Variants in HIBADH observed in about 807,000 individuals in gnomAD.
HIBADH encodes the protein 3-hydroxyisobutyrate dehydrogenase, also known as 3-hydroxyisobutyrate dehydrogenase, mitochondrial.
Under a neutral mutation model 36.1 loss-of-function variants are expected in HIBADH, and 25 were observed. The observed-to-expected ratio is 0.69, with a 90% CI of 0.50 to 0.97. The LOEUF is 0.97. Among genes scored for constraint, HIBADH ranks in the 50% least tolerant of loss-of-function variants. HIBADH has a pLI of 0.00. For synonymous variants in HIBADH, 160 were observed against 149.5 expected, an observed-to-expected ratio of 1.07 and a Z score of -0.51; for missense variants, 421 against 418.0, an observed-to-expected ratio of 1.01 and a Z score of -0.06.
intron 1 of HIBADH, among the ~76,000 whole-genome samples, chr7:27,653,892 G>A (rs1207607513): frequency 6.6e-6 from 1 of 152,172 alleles, no homozygotes; most frequent in Non-Finnish European, 1.5e-5. Flanking sequence ...GGCCAAAGTT[G>A]AACCTCTCTG....
rs192216995 is a variant in HIBADH at position 27,614,300 on chromosome 7, A to G, written c.484+15071T>C. Among the ~76,000 whole-genome samples the G allele has an allele frequency of 1.5e-3, 224 of 152,338 alleles. 2 individuals are homozygous for G. Among genetic ancestry groups the G allele is most frequent in the Middle Eastern group, 0.014 (4 of 294 alleles). On this transcript the variant is annotated intron_variant, in intron 4 of 7. Coordinates refer to ENST00000265395, the MANE Select transcript of HIBADH (RefSeq NM_152740.4). ...AATATTACAATACAACATTTTAAAC[A>G]TAGTATATGCCTGCTACCTGACTGA... is the stretch of plus-strand genomic sequence containing the variant.
chr7:27,660,062 T>C (rs572847727), intron 1 of HIBADH, among the ~76,000 whole-genome samples: 1 of 152,284 alleles, frequency 6.6e-6, no homozygotes, highest in African/African-American at 2.4e-5. Context: ...CTCTAAAATG[T>C]ATTTATAAAA....
At chr7:27,560,487 T>C (rs1480512862) in intron 4 of HIBADH, among the ~76,000 whole-genome samples, 2 of 152,194 alleles carry the variant, frequency 1.3e-5, no homozygotes, top group Non-Finnish European at 2.9e-5. Context: ...TTTGGTTACA[T>C]GGATGAATTG....
At chr7:27,648,758 C>T (rs1485656135) in intron 2 of HIBADH, among the ~76,000 whole-genome samples, 4 of 152,170 alleles carry the variant, frequency 2.6e-5, no homozygotes, top group African/African-American at 9.7e-5. Context: ...ATGTTATCAT[C>T]CAACATGATA....
intron 4 of HIBADH, among the ~76,000 whole-genome samples, chr7:27,594,156 T>C: frequency 6.6e-6 from 1 of 150,602 alleles, no homozygotes; most frequent in Non-Finnish European, 1.5e-5. Context: ...TTTTTTGTTT[T>C]TTTTCTGAAA....
At chr7:27,616,274 C>T (rs543628912) in intron 4 of HIBADH, among the ~76,000 whole-genome samples, 7 of 152,240 alleles carry the variant, frequency 4.6e-5, no homozygotes, top group African/African-American at 1.2e-4. Flanking sequence ...AATCTATTCA[C>T]GAGGGATCTA....
At chr7:27,568,712 C>CA (rs756956648) in intron 4 of HIBADH, among the ~76,000 whole-genome samples, 62 of 152,220 alleles carry the variant, frequency 4.1e-4, no homozygotes, top group Non-Finnish European at 7.4e-4. Context: ...TTCAAGTGAT[C>CA]CACCCACTTT....
chr7:27,558,944 C>A (rs1452294764), intron 4 of HIBADH, among the ~76,000 whole-genome samples: 1 of 152,062 alleles, frequency 6.6e-6, no homozygotes, highest in East Asian at 1.9e-4. Flanking sequence ...AACAAAGTAC[C>A]ACAAACTGGG....
chr7:27,539,482 T>C (rs1245145420), intron 5 of HIBADH, among the ~76,000 whole-genome samples: 3 of 151,940 alleles, frequency 2.0e-5, no homozygotes, highest in Admixed American at 6.6e-5. Context: ...TGTGTGTGTA[T>C]TGGGAGGGGG....
intron 4 of HIBADH, among the ~76,000 whole-genome samples, chr7:27,575,315 G>A (rs957021125): frequency 6.6e-6 from 1 of 152,320 alleles, no homozygotes; most frequent in South Asian, 2.1e-4. Flanking sequence ...ATCACAGGAG[G>A]TGGCATCTAC....
chr7:27,617,610 T>C (rs1456403641), intron 4 of HIBADH, among the ~76,000 whole-genome samples: 5 of 151,876 alleles, frequency 3.3e-5, no homozygotes, highest in Admixed American at 2.0e-4. Context: ...ACCAGAGGCA[T>C]AGAAAGAGAA....
intron 4 of HIBADH, among the ~76,000 whole-genome samples, chr7:27,557,844 C>T (rs1040458570): frequency 3.5e-4 from 54 of 152,152 alleles, no homozygotes; most frequent in African/African-American, 1.3e-3. Flanking sequence ...ACATTCAAAC[C>T]GTAGCACAAT....
At chr7:27,646,677 A>ACCACGC (rs1393634169) in intron 2 of HIBADH, among the ~76,000 whole-genome samples, 21 of 142,426 alleles carry the variant, frequency 1.5e-4, no homozygotes, top group African/African-American at 5.2e-4. Context: ...GGCACACACA[A>ACCACGC]CCACGCCCAG....
chr7:27,531,481 C>T (rs371096286), intron 6 of HIBADH, 133 bp from the exon 7 acceptor site: 51 of 727,018 alleles, frequency 7.0e-5, no homozygotes, highest in East Asian at 3.4e-4. Context: ...CAGGTTGATA[C>T]GAGAGTGAAG....
intron 4 of HIBADH, among the ~76,000 whole-genome samples, chr7:27,620,724 A>G (rs777861320): frequency 3.9e-5 from 6 of 152,190 alleles, no homozygotes; most frequent in Admixed American, 1.3e-4. Context: ...ACTCACCAGC[A>G]AAGCAATCAC....
rs145980702 is a variant in HIBADH, at chr7:27,607,441, G to A, written c.484+21930C>T. Among the ~76,000 whole-genome samples the A allele has an allele frequency of 3.7e-4, 56 of 152,196 alleles. 1 individual carries two copies. Among genetic ancestry groups the A allele is most frequent in the African/African-American group, 1.3e-3 (54 of 41,520 alleles). ...GGAGAATCATCTGAACCCAAGAGACGGAGGTTGCCGTGAGCTGAGATCACG... is the reference window on the plus strand; with the variant it reads ...GGAGAATCATCTGAACCCAAGAGACAGAGGTTGCCGTGAGCTGAGATCACG... On this transcript the variant is annotated intron_variant, in intron 4 of 7. Coordinates refer to ENST00000265395, the MANE Select transcript of HIBADH (RefSeq NM_152740.4).
In HIBADH at chr7:27,527,917, CGTTTTTTT is replaced by C. The variant is rs1216905525; in HGVS notation, c.853-1553_853-1546del. Among the ~76,000 whole-genome samples the C allele has an allele frequency of 1.4e-4, 11 of 77,026 alleles. 1 individual carries two copies. Among genetic ancestry groups the C allele is most frequent in the African/African-American group, 3.3e-4 (6 of 18,296 alleles). 50.5% of individuals were successfully genotyped at this position (77,026 alleles called of 152,430 possible). On this transcript the variant is annotated intron_variant, in intron 7 of 7. Coordinates refer to ENST00000265395, the MANE Select transcript of HIBADH (RefSeq NM_152740.4). ...AGGCATTTGCCACCACCACACCCAG[CGTTTTTTT>C]TTTTTTTTTTTTTTTTTAGTAGAGA... is the stretch of plus-strand genomic sequence containing the variant.
At chr7:27,651,345 AAT>A in intron 1 of HIBADH, among the ~76,000 whole-genome samples, 2 of 151,798 alleles carry the variant, frequency 1.3e-5, no homozygotes, top group Admixed American at 6.6e-5. Context: ...CGCTAAGTTT[AAT>A]ACACTGGTAT....
intron 4 of HIBADH, among the ~76,000 whole-genome samples, chr7:27,604,034 T>TA (rs771466983): frequency 1.3e-5 from 2 of 152,262 alleles, no homozygotes; most frequent in African/African-American, 4.8e-5. Context: ...CTCCTCCACT[T>TA]AGACAGTATT....
Sources: gnomAD v4.1 joint callset for allele counts (sites outside exome capture counted in the v4.1 genomes callset) on GRCh38, gnomAD v4.1.1 for gene constraint, MANE v1.5 for transcripts, NCBI Gene and HGNC (gene_info 2026-07-23, HGNC 2026-07-21) for gene names.